ZNF256: variants seen among roughly 807,000 people sequenced by gnomAD.
ZNF256 encodes zinc finger protein 256.
Under a neutral mutation model 7.9 loss-of-function variants are expected in ZNF256, and 4 were observed. The ratio of observed to expected loss-of-function variants is 0.50; its 90% confidence interval spans 0.25 to 1.15. ZNF256 has a LOEUF of 1.15. Ranked by LOEUF, ZNF256 falls within the 50% of genes most tolerant of loss-of-function variation. ZNF256 has a pLI of 0.15. For synonymous variants in ZNF256, 260 were observed against 260.4 expected, an observed-to-expected ratio of 1.00 and a Z score of 0.02; for missense variants, 666 against 755.9, an observed-to-expected ratio of 0.88 and a Z score of 1.39.
rs948386427 is a variant in ZNF256, at chr19:57,947,383, C to T, written c.33+59G>A. 12 of 1,242,798 alleles carry T rather than the reference C, an allele frequency of 9.7e-6. No individual in the cohort carries two copies. The African/African-American group carries it at 1.7e-4, about 18-fold the overall frequency. The allele number at this position is 1,242,798 out of a possible 1,614,324, so 77.0% of individuals were successfully genotyped here. A position where few individuals can be genotyped will look rare whatever the true frequency, so the allele number is the denominator to read the frequency against. On this transcript the variant is annotated intron_variant, in intron 1 of 2. Transcript: ENST00000282308. ...CAGCAGGGCCGCGAGCAAGCGCCCTCGGGGGTGCTAGGACTAGCGTGGGGA... is the reference window on the plus strand; with the variant it reads ...CAGCAGGGCCGCGAGCAAGCGCCCTTGGGGGTGCTAGGACTAGCGTGGGGA...
rs186504881 is a variant in ZNF256 at position 57,942,723 on chromosome 19, C to T, written c.161-76G>A. ...AGGTAGCCCACAGACAAATGTGCAT[C>T]CAACAAACCCAGGAACTGAGTCCAT... On this transcript the variant is annotated intron_variant, in intron 2 of 2. Transcript: ENST00000282308. The T allele has an allele frequency of 3.8e-3, 5,865 of 1,529,602 alleles. 24 individuals are homozygous for T. Among genetic ancestry groups the T allele is most frequent in the Middle Eastern group, 4.4e-3 (19 of 4,290 alleles). The allele number at this position is 1,529,602 out of a possible 1,614,324, so 94.8% of individuals were successfully genotyped here.
rs2072736305 is a variant in ZNF256, at chr19:57,942,360, C to A, written c.448G>T (p.Gly150Trp). 6.2e-7 allele frequency: 1 copy of A among 1,614,204 alleles called. No individual in the cohort carries two copies. The change falls in exon 3 of 3, where the codon GGG becomes TGG. Residue 150 changes from glycine (G) to tryptophan (W), a missense_variant. By Grantham distance (184) the Gly-to-Trp change is radical (BLOSUM62 -2). Coordinates refer to ENST00000282308, the MANE Select transcript of ZNF256 (RefSeq NM_005773.3). ...CTGCTCAAAAACATGTCTCTGCCCCCATTGCTTCTGAAGTGTTTCTGTCCA... is the reference window on the plus strand; with the variant it reads ...CTGCTCAAAAACATGTCTCTGCCCCAATTGCTTCTGAAGTGTTTCTGTCCA... ...HVGQKHFRSN[G>W]GRDMFLSSCT...
At position 57,942,190 on chromosome 19, in the gene ZNF256, A is replaced by G. The variant is rs772715984; in HGVS notation, c.618T>C (p.Ser206=). ...CTCCCCAGTTGTAATGATTTTTTAC[A>G]CTGTGAAAGGCCACTGCACTCTTGG... is the stretch of plus-strand genomic sequence containing the variant. ...NRTKSAVAFH[S]VKNHYNWGEC... The change falls in exon 3 of 3, where the codon AGT becomes AGC. Residue 206 remains serine, a synonymous_variant. Coordinates refer to ENST00000282308, the MANE Select transcript of ZNF256 (RefSeq NM_005773.3). The G allele has an allele frequency of 4.3e-6, 7 of 1,614,124 alleles. No homozygotes were observed. The African/African-American group carries it at 6.7e-5, about 15-fold the overall frequency.
chr19:57,943,003 T>C (rs2072741074), intron 2 of ZNF256, among the ~76,000 whole-genome samples: 1 of 152,138 alleles, frequency 6.6e-6, no homozygotes, highest in South Asian at 2.1e-4. Flanking sequence ...GACAACAAAA[T>C]AGCGGCTGAC....
In ZNF256 at chr19:57,942,131, C is replaced by T. The variant is rs760067124; in HGVS notation, c.677G>A (p.Arg226His). 2.1e-5 allele frequency: 34 copies of T among 1,614,102 alleles called. No individual in the cohort carries two copies. Among genetic ancestry groups the T allele is most frequent in the South Asian group, 1.6e-4 (15 of 91,094 alleles). ...AATGAGGTCTCCCTGGTGCTGAACA[C>T]GTACATGTTTGTAGCTGAAAGCTTT... ...CVKAFSYKHV[R>H]VQHQGDLIRE... The change falls in exon 3 of 3, where the codon CGT becomes CAT. Residue 226 changes from arginine (R) to histidine (H), a missense_variant. Coordinates refer to ENST00000282308, the MANE Select transcript of ZNF256 (RefSeq NM_005773.3).
chr19:57,944,477 C>G (rs540944267), intron 1 of ZNF256, among the ~76,000 whole-genome samples: 1 of 152,366 alleles, frequency 6.6e-6, no homozygotes, highest in African/African-American at 2.4e-5. Context: ...ACCACCACTA[C>G]GTCCTATACC....
In ZNF256 at chr19:57,941,164, C is replaced by G; in HGVS notation, c.1644G>C (p.Glu548Asp). 1 of 1,614,118 alleles carries G rather than the reference C, an allele frequency of 6.2e-7. No homozygotes were observed. The highest frequency in any genetic ancestry group is 2.2e-5 in the East Asian group (1 of 44,876). ...TAAAGGATTTCCAACACTCACTGCA[C>G]TCATAAGGCCTTTCTCCGGTGTGAC... ...RRSHTGERPY[E>D]CSECWKSFSN... The change falls in exon 3 of 3, where the codon GAG (glutamate) becomes GAC (aspartate). Residue 548 changes from glutamate (E) to aspartate (D), a missense_variant. By Grantham distance (45) the Glu-to-Asp change is conservative (BLOSUM62 2). Coordinates refer to ENST00000282308, the MANE Select transcript of ZNF256 (RefSeq NM_005773.3).
In ZNF256 at chr19:57,941,764, C is replaced by T. The variant is rs878912774; in HGVS notation, c.1044G>A (p.Met348Ile). The T allele has an allele frequency of 1.2e-6, 2 of 1,612,778 alleles. No individual in the cohort carries two copies. Among genetic ancestry groups the T allele is most frequent in the Admixed American group, 1.7e-5 (1 of 59,920 alleles). The change falls in exon 3 of 3, where the codon ATG (methionine) becomes ATA (isoleucine). Residue 348 changes from methionine to isoleucine, a missense_variant. Coordinates refer to ENST00000282308, the MANE Select transcript of ZNF256 (RefSeq NM_005773.3). ...LITHQRIHTG[M>I]RPYECSECGK... is the part of the protein sequence containing the mutation. ...CACATTCACTGCACTCATAAGGCCTCATTCCAGTATGAATTCTCTGGTGTG... is the reference window on the plus strand; with the variant it reads ...CACATTCACTGCACTCATAAGGCCTTATTCCAGTATGAATTCTCTGGTGTG...
chr19:57,941,942 T>C lies in ZNF256; in HGVS notation c.866A>G (p.His289Arg), dbSNP rs755401551. ...ACATTGATGAGGTCTTACTCCAGTG[T>C]GAATTCTTCGGTGCGTAATAAGGCT... ...SSSLITHRRI[H>R]TGVRPHQCDE... Residue 289 changes from histidine to arginine, a missense_variant, in exon 3 of 3, where the codon CAC (histidine) becomes CGC (arginine). Coordinates refer to ENST00000282308, the MANE Select transcript of ZNF256 (RefSeq NM_005773.3). 6.2e-7 allele frequency: 1 copy of C among 1,614,246 alleles called. No homozygotes were observed. Among genetic ancestry groups the C allele is most frequent in the Non-Finnish European group, 8.5e-7 (1 of 1,180,036 alleles).
At chr19:57,945,282 A>T (rs2072759165) in intron 1 of ZNF256, among the ~76,000 whole-genome samples, 1 of 152,194 alleles carries the variant, frequency 6.6e-6, no homozygotes, top group Non-Finnish European at 1.5e-5. Context: ...AGTACTCCAG[A>T]AAAGAGTAAC....
chr19:57,947,273 C>T (rs2072773176), intron 1 of ZNF256, among the ~76,000 whole-genome samples, 169 bp downstream of exon 1: 1 of 152,224 alleles, frequency 6.6e-6, no homozygotes, highest in South Asian at 2.1e-4. Context: ...TCAGGGGCTC[C>T]TTGCCAGTCG....
rs1438841565 is a variant in ZNF256 at position 57,941,095 on chromosome 19, T to C, written c.1713A>G (p.Gly571=). Residue 571 remains glycine, a synonymous_variant, in exon 3 of 3, where the codon GGA becomes GGG. Transcript: ENST00000282308. Reference sequence around the variant, plus strand: ...ATTCACTGCATTCATAAGGCCTTTCTCCGGTATGAACTCTTCGGTGTTTAA... The same window carrying C: ...ATTCACTGCATTCATAAGGCCTTTCCCCGGTATGAACTCTTCGGTGTTTAA... ...SLVKHRRVHT[G]ERPYECSECG... The C allele has an allele frequency of 1.2e-6, 2 of 1,614,108 alleles. No individual in the cohort carries two copies. Among genetic ancestry groups the C allele is most frequent in the South Asian group, 2.2e-5 (2 of 91,078 alleles).
At position 57,942,563 on chromosome 19, in the gene ZNF256, G is replaced by C. The variant is rs1307473302; in HGVS notation, c.245C>G (p.Ala82Gly). Residue 82 changes from alanine to glycine, a missense_variant, in exon 3 of 3, where the codon GCC becomes GGC. Ala to Gly is a moderately conservative substitution (Grantham distance 60). Transcript: ENST00000282308. ...GTTGGTCTTCTGGGGAGAAGGAAGG[G>C]CCTTAGGAATCCTAACCTGTGACAC... ...QRVSQVRIPK[A>G]LPSPQKTNPC... 1 of 1,614,176 alleles carries C rather than the reference G, an allele frequency of 6.2e-7. No homozygotes were observed. Among genetic ancestry groups the C allele is most frequent in the Admixed American group, 1.7e-5 (1 of 60,018 alleles).
At position 57,942,425 on chromosome 19, in the gene ZNF256, TG is replaced by T. The variant is rs768499228; in HGVS notation, c.382del (p.Gln128AsnfsTer29). The T allele has an allele frequency of 3.7e-4, 604 of 1,614,176 alleles. No individual in the cohort carries two copies. The highest frequency in any genetic ancestry group is 4.7e-4 in the Non-Finnish European group (558 of 1,180,034). On this transcript the variant is annotated frameshift_variant, in exon 3 of 3. Coordinates refer to ENST00000282308, the MANE Select transcript of ZNF256 (RefSeq NM_005773.3). LOFTEE classifies it low-confidence loss of function (END_TRUNC). ...YTDGACRKQL[Q>X]FTAYLHQHQK... The stretch of plus-strand genomic sequence containing the variant: ...GTGCTGATGAAGGTATGCAGTAAAT[TG>T]TAATTGTTTCCTACATGCCCCGTCT...
Position 57,944,023 on chromosome 19 carries a change from G to C in ZNF256, c.71C>G (p.Ser24Cys). 1 of 1,613,974 alleles carries C rather than the reference G, an allele frequency of 6.2e-7. No homozygotes were observed. The highest frequency in any genetic ancestry group is 8.5e-7 in the Non-Finnish European group (1 of 1,179,938). ...ATCAAGAAGACCCCACTCCTTCCAG[G>C]AGAAGTAAACAGCCACGTCCTCAAA... ...VTFEDVAVYF[S>C]WKEWGLLDEA... Residue 24 changes from serine to cysteine, a missense_variant, in exon 2 of 3, where the codon TCC becomes TGC. By Grantham distance (112) the Ser-to-Cys change is moderately radical. Coordinates refer to ENST00000282308, the MANE Select transcript of ZNF256 (RefSeq NM_005773.3).
intron 1 of ZNF256, 56 bp from the exon 2 acceptor site, chr19:57,944,116 A>G: frequency 6.2e-7 from 1 of 1,606,692 alleles, no homozygotes; most frequent in Admixed American, 1.7e-5. Flanking sequence ...AGGATCCATA[A>G]TCCTTCCCCT....
In ZNF256 at chr19:57,945,469, G is replaced by C. The variant is rs1015586690; in HGVS notation, c.34-1409C>G. Among the ~76,000 whole-genome samples the C allele has an allele frequency of 2.0e-5, 3 of 152,158 alleles. No homozygotes were observed. The East Asian group carries it at 5.8e-4, about 29-fold the overall frequency. The stretch of plus-strand genomic sequence containing the variant: ...CCCTGGATAAGAATGGATAAGAAGG[G>C]TTCATTTGGCTAAGAGAGCTTATTC... On this transcript the variant is annotated intron_variant, in intron 1 of 2. Transcript: ENST00000282308.
At position 57,941,325 on chromosome 19, in the gene ZNF256, C is replaced by T. The variant is rs79816202; in HGVS notation, c.1483G>A (p.Glu495Lys). 2.3e-3 allele frequency: 3,646 copies of T among 1,614,016 alleles called. 5 individuals are homozygous for T. The highest frequency in any genetic ancestry group is 2.6e-3 in the Non-Finnish European group (3,114 of 1,179,998). Residue 495 changes from glutamate to lysine, a missense_variant, in exon 3 of 3, where the codon GAG becomes AAG. Coordinates refer to ENST00000282308, the MANE Select transcript of ZNF256 (RefSeq NM_005773.3). ...CTATGAGTAAATGATTTCCCACACT[C>T]CCCACATTCATAAGGCCTTGCTCCA... ...HTGARPYECG[E>K]CGKSFTHSST...
rs140799051 is a variant in ZNF256 at position 57,941,799 on chromosome 19, T to C, written c.1009A>G (p.Ser337Gly). Residue 337 changes from serine (S) to glycine (G), a missense_variant, in exon 3 of 3, where the codon AGC becomes GGC. By Grantham distance (56) the Ser-to-Gly change is moderately conservative (BLOSUM62 0). Transcript: ENST00000282308. ...ECGKSFSHSS[S>G]LITHQRIHTG... ...TGAATTCTCTGGTGTGTAATGAGGC[T>C]AGAGCTATGGCTAAAGGATTTCCCA... 4,626 of 1,613,360 alleles carry C rather than the reference T, an allele frequency of 2.9e-3. 8 individuals are homozygous for C. Among genetic ancestry groups the C allele is most frequent in the Non-Finnish European group, 3.4e-3 (4,070 of 1,179,850 alleles).
Sources: gnomAD v4.1 joint callset for allele counts (sites outside exome capture counted in the v4.1 genomes callset) on GRCh38, gnomAD v4.1.1 for gene constraint, MANE v1.5 for transcripts, NCBI Gene and HGNC (gene_info 2026-07-23, HGNC 2026-07-21) for gene names.